TGM4: variants seen among roughly 807,000 people sequenced by gnomAD.
TGM4 encodes transglutaminase 4.
A neutral mutation model predicts 76.3 loss-of-function variants in TGM4; 61 were observed. The ratio of observed to expected loss-of-function variants is 0.80; its 90% CI spans 0.65 to 0.99. The LOEUF (loss-of-function observed/expected upper bound fraction) is 0.99, where lower values mean the gene tolerates loss of function less well. Ranked by LOEUF, TGM4 falls within the 50% of genes least tolerant of loss-of-function variation. The pLI is 0.00. For missense variants in TGM4, 794 were observed against 843.2 expected (o/e 0.94, Z 0.72); for synonymous variants, 337 against 329.8 (o/e 1.02, Z -0.24).
Position 44,879,259 on chromosome 3 carries a change from C to A in TGM4, c.19+4562C>A, listed in dbSNP as rs866018635. ...ATGGTCTCTCTCTCTCTCTCTCTCT[C>A]TCTCTCTATATATATATATATATAT... On this transcript the variant is annotated intron_variant, in intron 1 of 13. Transcript: ENST00000296125. Among the ~76,000 whole-genome samples the A allele has an allele frequency of 6.6e-3, 673 of 101,450 alleles. 1 individual carries two copies. The highest frequency in any genetic ancestry group is 0.014 in the South Asian group (41 of 2,864). The allele number at this position is 101,450 out of a possible 152,430, so 66.6% of individuals were successfully genotyped here. A position where few individuals can be genotyped will look rare whatever the true frequency, so the allele number is the denominator to read the frequency against.
At chr3:44,875,063 T>C (rs914671351) in intron 1 of TGM4, among the ~76,000 whole-genome samples, 6 of 152,242 alleles carry the variant, frequency 3.9e-5, no homozygotes, top group Admixed American at 6.5e-5. Context: ...GTTGCAGATA[T>C]TACATTATTA....
intron 2 of TGM4, among the ~76,000 whole-genome samples, chr3:44,886,493 C>T (rs545632016): frequency 1.3e-5 from 2 of 152,308 alleles, no homozygotes; most frequent in East Asian, 3.9e-4. Context: ...AGCCTCCATT[C>T]CCTTCATCCA....
chr3:44,889,501 C>T (rs1049178297), intron 3 of TGM4, among the ~76,000 whole-genome samples: 1 of 151,962 alleles, frequency 6.6e-6, no homozygotes, highest in Non-Finnish European at 1.5e-5. Context: ...GAGAAGGACT[C>T]TGTCTCAAAA....
At chr3:44,895,910 A>T (rs988783371) in intron 5 of TGM4, among the ~76,000 whole-genome samples, 1 of 152,198 alleles carries the variant, frequency 6.6e-6, no homozygotes, top group African/African-American at 2.4e-5. Flanking sequence ...TTCAAAAGTA[A>T]CGTGCTTATC....
chr3:44,887,698 C>T lies in TGM4; in HGVS notation c.203C>T (p.Pro68Leu), dbSNP rs757683018. 1.2e-6 allele frequency: 2 copies of T among 1,613,856 alleles called. No homozygotes were observed. Among genetic ancestry groups the T allele is most frequent in the Admixed American group, 3.3e-5 (2 of 60,018 alleles). Reference protein sequence around the residue: ...LKLEFSTGPNPSIAKHTLVVL... With the variant: ...LKLEFSTGPNLSIAKHTLVVL... ...CTTTGGGTGTCTCCAGGGCCGAATCCTAGCATCGCCAAACACACCCTGGTG... is the reference window on the plus strand; with the variant it reads ...CTTTGGGTGTCTCCAGGGCCGAATCTTAGCATCGCCAAACACACCCTGGTG... Residue 68 changes from proline to leucine, a missense_variant, in exon 3 of 14, where the codon CCT (proline) becomes CTT (leucine). Coordinates refer to ENST00000296125, the MANE Select transcript of TGM4 (RefSeq NM_003241.4).
intron 1 of TGM4, among the ~76,000 whole-genome samples, chr3:44,878,086 G>A (rs568290542): frequency 6.6e-6 from 1 of 152,192 alleles, no homozygotes; most frequent in South Asian, 2.1e-4. Context: ...AGGAGGTCGA[G>A]GCTGCAGTGA....
At chr3:44,893,439 C>T (rs1245428091) in intron 4 of TGM4, 138 bp from the exon 5 acceptor site, 1 of 745,214 alleles carries the variant, frequency 1.3e-6, no homozygotes, top group Admixed American at 2.0e-5. Context: ...TCCCGCTTAC[C>T]TCCCTCCCCC....
chr3:44,889,852 G>A (rs1341156751), intron 3 of TGM4, among the ~76,000 whole-genome samples: 1 of 152,054 alleles, frequency 6.6e-6, no homozygotes, highest in Admixed American at 6.5e-5. Context: ...TCCAGACACT[G>A]GGCTAGGCAC....
chr3:44,904,251 A>G (rs1357904300), intron 9 of TGM4, among the ~76,000 whole-genome samples: 3 of 151,526 alleles, frequency 2.0e-5, no homozygotes, highest in African/African-American at 7.3e-5. Flanking sequence ...ACTGCATACC[A>G]TGCGCAGTAC....
intron 1 of TGM4, among the ~76,000 whole-genome samples, chr3:44,876,021 A>G (rs1409652340): frequency 1.3e-5 from 2 of 152,200 alleles, no homozygotes; most frequent in Non-Finnish European, 2.9e-5. Context: ...TGAAAGCACT[A>G]TATAAATTAC....
rs188948711 is a variant in TGM4, at chr3:44,913,733, T to G, written c.*8T>G. ...GTTCTCATCACCAAGTAGCCTTGTC[T>G]GATGCTGTGGAGCCTTAGTTGAGAT... On this transcript the variant is annotated 3_prime_UTR_variant, in exon 14 of 14. Coordinates refer to ENST00000296125, the MANE Select transcript of TGM4 (RefSeq NM_003241.4). 1 of 1,611,174 alleles carries G rather than the reference T, an allele frequency of 6.2e-7. No individual in the cohort carries two copies.
chr3:44,892,187 G>T (rs560859258), intron 4 of TGM4, among the ~76,000 whole-genome samples: 1 of 151,580 alleles, frequency 6.6e-6, no homozygotes, highest in South Asian at 2.1e-4. Context: ...GAACCTGGGA[G>T]GTGGAGGTTG....
chr3:44,901,544 G>A lies in TGM4; in HGVS notation c.678G>A (p.Gln226=), dbSNP rs1418590121. Residue 226 remains glutamine (Q), a synonymous_variant, in exon 7 of 14, where the codon CAG becomes CAA. Transcript: ENST00000296125. ...MCAMMSFEKG[Q]GVLIGNWTGD... ...GGCAGATGAGCTTTGAGAAAGGCCAGGGCGTGCTCATTGGGAATTGGACTG... is the reference window on the plus strand; with the variant it reads ...GGCAGATGAGCTTTGAGAAAGGCCAAGGCGTGCTCATTGGGAATTGGACTG... 1.2e-6 allele frequency: 2 copies of A among 1,611,770 alleles called. No homozygotes were observed. Among genetic ancestry groups the A allele is most frequent in the South Asian group, 1.1e-5 (1 of 90,818 alleles).
At chr3:44,901,955 G>C (rs776061618) in intron 8 of TGM4, 24 bp downstream of exon 8, 1 of 1,604,894 alleles carries the variant, frequency 6.2e-7, no homozygotes, top group Non-Finnish European at 8.5e-7. Flanking sequence ...TTCTCAACCT[G>C]CCCTGTCTCC....
At chr3:44,881,334 T>C (rs1699529458) in intron 1 of TGM4, among the ~76,000 whole-genome samples, 1 of 152,224 alleles carries the variant, frequency 6.6e-6, no homozygotes, top group Non-Finnish European at 1.5e-5. Context: ...CAAACTGCCT[T>C]ACCAGAAGGA....
intron 4 of TGM4, among the ~76,000 whole-genome samples, chr3:44,893,280 C>G (rs1699728603): frequency 6.6e-6 from 1 of 152,222 alleles, no homozygotes; most frequent in Non-Finnish European, 1.5e-5. Flanking sequence ...ATCTACCTCT[C>G]TCTTCCATCT....
At chr3:44,901,340 C>G (rs1461902336) in intron 6 of TGM4, among the ~76,000 whole-genome samples, 184 bp from the exon 7 acceptor site, 1 of 152,230 alleles carries the variant, frequency 6.6e-6, no homozygotes, top group East Asian at 1.9e-4. Context: ...TCCCCGGTCA[C>G]TCAAACAGCT....
chr3:44,910,977 C>T lies in TGM4; in HGVS notation c.1626C>T (p.Thr542=), dbSNP rs1272128436. The stretch of plus-strand genomic sequence containing the variant: ...TGGCAGTATCAGAAGTGACTCTGAC[C>T]TTGGACTCCAAGACCTACATCAACA... ...IQGQVSEVTL[T]LDSKTYINSL... is the part of the protein sequence containing the mutation. The change falls in exon 12 of 14, where the codon ACC becomes ACT. Residue 542 remains threonine, a synonymous_variant. Coordinates refer to ENST00000296125, the MANE Select transcript of TGM4 (RefSeq NM_003241.4). 2 of 1,614,004 alleles carry T rather than the reference C, an allele frequency of 1.2e-6. No homozygotes were observed. Among genetic ancestry groups the T allele is most frequent in the East Asian group, 2.2e-5 (1 of 44,892 alleles).
chr3:44,914,269 A>T lies in TGM4; in HGVS notation c.*544A>T, dbSNP rs895095977. 9 of 153,626 alleles carry T rather than the reference A, an allele frequency of 5.9e-5. No homozygotes were observed. Among genetic ancestry groups the T allele is most frequent in the Admixed American group, 5.8e-4 (9 of 15,498 alleles). 9.5% of individuals were successfully genotyped at this position (153,626 alleles called of 1,614,324 possible). On this transcript the variant is annotated 3_prime_UTR_variant, in exon 14 of 14. Coordinates refer to ENST00000296125, the MANE Select transcript of TGM4 (RefSeq NM_003241.4). ...AGGAAGTCCCTCTCCTGGTGCTCCA[A>T]GCAGTTTGAAGCCCAATCTGCAAGG...
Sources: allele counts gnomAD v4.1 joint callset (sites outside exome capture counted in the v4.1 genomes callset), GRCh38; gene constraint gnomAD v4.1.1; transcripts MANE v1.5; gene names NCBI Gene and HGNC (gene_info 2026-07-23, HGNC 2026-07-21).